ITSN1: variants seen among roughly 807,000 people sequenced by gnomAD.
ITSN1 encodes intersectin 1.
Under a neutral mutation model 239.8 loss-of-function variants are expected in ITSN1, and 58 were observed. That is an observed-to-expected ratio of 0.24 (90% confidence interval 0.20 to 0.30). ITSN1 has a LOEUF of 0.30. Ranked by LOEUF, ITSN1 falls within the 10% of genes least tolerant of loss-of-function variation. The pLI is 1.00. For missense variants in ITSN1, 1,558 were observed against 2,103.3 expected (o/e 0.74, Z 5.07); for synonymous variants, 780 against 770.8 (o/e 1.01, Z -0.20).
At chr21:33,831,139 G>T (rs75776146) in intron 27 of ITSN1, among the ~76,000 whole-genome samples, 1 of 152,102 alleles carries the variant, frequency 6.6e-6, no homozygotes, top group South Asian at 2.1e-4. Flanking sequence ...CTCCCTCCCC[G>T]CATCCTCCCC....
Position 33,834,212 on chromosome 21 carries a change from A to G in ITSN1, c.3352-95A>G. 3 of 828,972 alleles carry G rather than the reference A, an allele frequency of 3.6e-6. No homozygotes were observed. The Admixed American group carries it at 6.5e-5, about 18-fold the overall frequency. The allele number at this position is 828,972 out of a possible 1,614,324, so 51.4% of individuals were successfully genotyped here. A position where few individuals can be genotyped will look rare whatever the true frequency, so the allele number is the denominator to read the frequency against. ...CGTTAATGTCATTTGTTTTTCAGTT[A>G]TATGTAAGCTTTACATAAGTGCTCT... On this transcript the variant is annotated intron_variant, in intron 27 of 39. Transcript: ENST00000381318.
intron 8 of ITSN1, 114 bp downstream of exon 8, chr21:33,755,511 T>TC (rs2067845996): frequency 1.6e-6 from 1 of 615,684 alleles, no homozygotes; most frequent in South Asian, 2.1e-5. Flanking sequence ...TGGCAGTGTT[T>TC]CCTTTGTCTC....
At chr21:33,743,039 CATAA>C (rs1448163038) in intron 5 of ITSN1, among the ~76,000 whole-genome samples, 2 of 151,832 alleles carry the variant, frequency 1.3e-5, no homozygotes, top group African/African-American at 4.8e-5. Context: ...TTTTAAGGCT[CATAA>C]ATAAGGTGAC....
chr21:33,884,556 T>A (rs748340184), intron 36 of ITSN1, among the ~76,000 whole-genome samples: 3 of 152,230 alleles, frequency 2.0e-5, no homozygotes, highest in Non-Finnish European at 4.4e-5. Flanking sequence ...TTTGTGCATA[T>A]GGTTCTCAGA....
At chr21:33,766,896 G>A (rs944137187) in intron 10 of ITSN1, among the ~76,000 whole-genome samples, 2 of 152,060 alleles carry the variant, frequency 1.3e-5, no homozygotes, top group Admixed American at 6.5e-5. Flanking sequence ...AGGGTGGTGC[G>A]GTGGCTCACG....
chr21:33,747,309 T>C (rs1309248429), intron 5 of ITSN1, among the ~76,000 whole-genome samples: 1 of 151,764 alleles, frequency 6.6e-6, no homozygotes, highest in Non-Finnish European at 1.5e-5. Flanking sequence ...ACAAAAAGAT[T>C]GAAAAAAAAT....
At chr21:33,686,709 G>A (rs74595110) in intron 1 of ITSN1, among the ~76,000 whole-genome samples, 140 of 152,248 alleles carry the variant, frequency 9.2e-4, no homozygotes, top group African/African-American at 2.9e-3. Flanking sequence ...CAAGATGGAT[G>A]ATCTACTTGT....
At chr21:33,757,241 G>T (rs551253880) in intron 8 of ITSN1, among the ~76,000 whole-genome samples, 1 of 152,282 alleles carries the variant, frequency 6.6e-6, no homozygotes, top group African/African-American at 2.4e-5. Flanking sequence ...CATTGATTGA[G>T]AAATTCTCTC....
intron 16 of ITSN1, among the ~76,000 whole-genome samples, chr21:33,787,696 A>G (rs909871612): frequency 6.6e-5 from 10 of 152,222 alleles, no homozygotes; most frequent in Admixed American, 2.6e-4. Context: ...AAGTCAGGGA[A>G]AAAAATGCTT....
intron 16 of ITSN1, among the ~76,000 whole-genome samples, chr21:33,783,392 A>G (rs542167644): frequency 7.2e-5 from 11 of 152,340 alleles, no homozygotes; most frequent in Non-Finnish European, 1.5e-4. Flanking sequence ...GTATTAGGTA[A>G]TGATCTTTTC....
At chr21:33,722,541 G>GTT in intron 3 of ITSN1, 47 bp from the exon 4 acceptor site, 33 of 1,459,306 alleles carry the variant, frequency 2.3e-5, no homozygotes, top group African/African-American at 7.7e-5. Flanking sequence ...TCTGTCAGCT[G>GTT]TTGTTTTTTT....
At chr21:33,817,437 A>C in intron 22 of ITSN1, 1 of 1,304,344 alleles carries the variant, frequency 7.7e-7, no homozygotes, top group Non-Finnish European at 1.0e-6. Flanking sequence ...CCTCTGTGAA[A>C]TTTACGCTGA....
intron 1 of ITSN1, among the ~76,000 whole-genome samples, chr21:33,680,759 A>ATGG (rs2090903431): frequency 6.6e-6 from 1 of 152,226 alleles, no homozygotes; most frequent in South Asian, 2.1e-4. Flanking sequence ...TAATGACTGC[A>ATGG]TGGTTTCTGG....
intron 16 of ITSN1, among the ~76,000 whole-genome samples, chr21:33,784,244 G>A (rs1029674910): frequency 6.6e-6 from 1 of 150,994 alleles, no homozygotes; most frequent in African/African-American, 2.4e-5. Flanking sequence ...GAGGCAGGTG[G>A]ATCACTTGAG....
chr21:33,712,941 G>C lies in ITSN1; in HGVS notation c.-32-5856G>C, dbSNP rs2092456416. On this transcript the variant is annotated intron_variant, in intron 1 of 39. Transcript: ENST00000381318. ...TGCCCAGGCTGGAGTGCTGTGGCAG[G>C]ATCTCGGTTCACTGTAACCTCTGCC... Among the ~76,000 whole-genome samples, 3 of 152,024 alleles carry C rather than the reference G, an allele frequency of 2.0e-5. No individual in the cohort carries two copies. In the South Asian group the frequency reaches 6.2e-4, roughly 32 times the overall value.
intron 10 of ITSN1, among the ~76,000 whole-genome samples, chr21:33,766,938 C>T (rs1293592608): frequency 8.5e-5 from 13 of 152,224 alleles, no homozygotes; most frequent in East Asian, 5.8e-4. Flanking sequence ...GAGGCCGAGG[C>T]GGGTGGATCA....
At chr21:33,706,344 A>G (rs183735365) in intron 1 of ITSN1, among the ~76,000 whole-genome samples, 61 of 152,272 alleles carry the variant, frequency 4.0e-4, no homozygotes, top group African/African-American at 1.4e-3. Context: ...AGAATACCTC[A>G]TATTTTATAC....
intron 29 of ITSN1, among the ~76,000 whole-genome samples, chr21:33,844,377 C>T (rs1483049205): frequency 6.6e-6 from 1 of 152,156 alleles, no homozygotes; most frequent in Admixed American, 6.5e-5. Flanking sequence ...GTTGGCAGGC[C>T]CATGCAGCGC....
At chr21:33,770,514 C>A (rs916579411) in intron 11 of ITSN1, among the ~76,000 whole-genome samples, 1 of 152,182 alleles carries the variant, frequency 6.6e-6, no homozygotes, top group Non-Finnish European at 1.5e-5. Flanking sequence ...GCAGCCACAA[C>A]CTCTCTTGTC....
Sources: gnomAD v4.1 joint callset for allele counts (sites outside exome capture counted in the v4.1 genomes callset) on GRCh38, gnomAD v4.1.1 for gene constraint, MANE v1.5 for transcripts, NCBI Gene and HGNC (gene_info 2026-07-23, HGNC 2026-07-21) for gene names.